Variants in ZFYVE26 observed in about 807,000 individuals in gnomAD.
ZFYVE26 encodes zinc finger FYVE-type containing 26, also known as zinc finger FYVE domain-containing protein 26.
ZFYVE26 carries 181 observed loss-of-function variants against 276.5 expected under a neutral mutation model. The observed-to-expected ratio is 0.65, with a 90% confidence interval of 0.58 to 0.74. The LOEUF is 0.74. Among genes scored for constraint, ZFYVE26 ranks in the 30% least tolerant of loss-of-function variants. The probability of loss-of-function intolerance (pLI) is 0.00; values close to 1 mark genes in which losing one functional copy is unlikely to be tolerated. For missense variants in ZFYVE26, 2,821 were observed against 3,097.9 expected (o/e 0.91, Z 2.12); for synonymous variants, 1,129 against 1,203.1 (o/e 0.94, Z 1.27).
chr14:67,751,730 G>A (rs966463518), intron 40 of ZFYVE26, among the ~76,000 whole-genome samples: 10 of 152,076 alleles, frequency 6.6e-5, no homozygotes, highest in African/African-American at 1.9e-4. Flanking sequence ...AAAATTAGCC[G>A]GGCGTGGTGG....
In ZFYVE26 at chr14:67,785,171, G is replaced by A. The variant is rs748711716; in HGVS notation, c.3411C>T (p.Asn1137=). ...TGCCTGATGGGGTCTGTTTGCCCAGGTTCTTCTGGAGGAGCTGAGTCTGGA... is the reference window on the plus strand; with the variant it reads ...TGCCTGATGGGGTCTGTTTGCCCAGATTCTTCTGGAGGAGCTGAGTCTGGA... ...VQIQTQLLQK[N]LGKQTPSGSR... Residue 1137 remains asparagine (N), a synonymous_variant, in exon 19 of 42, where the codon AAC becomes AAT. Coordinates refer to ENST00000347230, the MANE Select transcript of ZFYVE26 (RefSeq NM_015346.4). 6.2e-7 allele frequency: 1 copy of A among 1,614,194 alleles called. No homozygotes were observed. Among genetic ancestry groups the A allele is most frequent in the South Asian group, 1.1e-5 (1 of 91,090 alleles).
intron 14 of ZFYVE26, among the ~76,000 whole-genome samples, chr14:67,729,024 A>C (rs1472756387): frequency 6.6e-6 from 1 of 152,196 alleles, no homozygotes; most frequent in Non-Finnish European, 1.5e-5. Flanking sequence ...CTGAAAGATC[A>C]ATTCATTCCT....
intron 12 of ZFYVE26, chr14:67,797,425 C>G: frequency 1.8e-6 from 1 of 546,938 alleles, no homozygotes; most frequent in South Asian, 2.1e-5. Context: ...AAAAAGCAAG[C>G]TGCAGTTCTC....
chr14:67,738,055 A>G (rs2038371977), intron 13 of ZFYVE26, among the ~76,000 whole-genome samples: 1 of 152,132 alleles, frequency 6.6e-6, no homozygotes, highest in African/African-American at 2.4e-5. Flanking sequence ...ACCATTTTAA[A>G]CCATCACATT....
rs1009336498 is a variant in ZFYVE26, at chr14:67,737,511, G to A, written n.2680-7692C>T. Among the ~76,000 whole-genome samples, 3 of 152,124 alleles carry A rather than the reference G, an allele frequency of 2.0e-5. No individual in the cohort carries two copies. In the South Asian group the frequency reaches 6.2e-4, roughly 32 times the overall value. On this transcript the variant is annotated intron_variant and non_coding_transcript_variant, in intron 13 of 14. Coordinates refer to the ZFYVE26 transcript ENST00000394455. Reference sequence around the variant, plus strand: ...TCACTATCACGAGAAGACAATGGGGGAAACCACCCTCATGATTCAGTCAAC... The same window carrying A: ...TCACTATCACGAGAAGACAATGGGGAAAACCACCCTCATGATTCAGTCAAC...
chr14:67,784,253 G>C, intron 20 of ZFYVE26, 81 bp downstream of exon 20: 1 of 1,179,470 alleles, frequency 8.5e-7, no homozygotes, highest in African/African-American at 1.5e-5. Flanking sequence ...CTAACCCCAA[G>C]CACCACCGCA....
intron 28 of ZFYVE26, 58 bp from the exon 29 acceptor site, chr14:67,769,788 C>CAATCCATT: frequency 6.2e-7 from 1 of 1,610,576 alleles, no homozygotes; most frequent in African/African-American, 1.3e-5. Flanking sequence ...AGATTGCCAT[C>CAATCCATT]AATCCATTTA....
chr14:67,772,584 A>C (rs574510995), intron 27 of ZFYVE26, among the ~76,000 whole-genome samples: 33 of 152,196 alleles, frequency 2.2e-4, no homozygotes, highest in Non-Finnish European at 3.4e-4. Flanking sequence ...CTCCTCCACA[A>C]ATAAAAAAGA....
chr14:67,755,292 G>C, intron 36 of ZFYVE26, 42 bp from the exon 37 acceptor site: 1 of 1,606,366 alleles, frequency 6.2e-7, no homozygotes, highest in Non-Finnish European at 8.5e-7. Context: ...GTAGATCAGG[G>C]GTTTGGAGGG....
rs2039229572 is a variant in ZFYVE26 at position 67,772,201 on chromosome 14, C to T, written c.5330G>A (p.Ser1777Asn). 6.2e-7 allele frequency: 1 copy of T among 1,612,680 alleles called. No homozygotes were observed. The highest frequency in any genetic ancestry group is 1.1e-5 in the South Asian group (1 of 90,670). The part of the protein sequence containing the change: ...FSPAAPPGIS[S>N]IHSPSLRERS... ...TTCCCTTAGACTAGGGGAATGTATA[C>T]TGGAGATACCTGGGAGGCAGAGCCA... The change falls in exon 28 of 42, where the codon AGT (serine) becomes AAT (asparagine). Residue 1777 changes from serine to asparagine, a missense_variant. Transcript: ENST00000347230.
In ZFYVE26 at chr14:67,762,736, G is replaced by T. The variant is rs745414887; in HGVS notation, c.6095C>A (p.Pro2032Gln). ...GTTCCTTAGCCTGGTTACTGCAGCT[G>T]GCTGCAAGATCTGATCCAAAGATGG... Reference protein sequence around the residue: ...HVPSLDQILQPAAVTRLRNQL... With the variant: ...HVPSLDQILQQAAVTRLRNQL... The change falls in exon 33 of 42, where the codon CCA becomes CAA. Residue 2032 changes from proline (P) to glutamine (Q), a missense_variant. By Grantham distance (76) the Pro-to-Gln change is moderately conservative. Coordinates refer to ENST00000347230, the MANE Select transcript of ZFYVE26 (RefSeq NM_015346.4). 1.2e-6 allele frequency: 2 copies of T among 1,614,160 alleles called. No individual in the cohort carries two copies. Among genetic ancestry groups the T allele is most frequent in the South Asian group, 2.2e-5 (2 of 91,086 alleles).
rs144311183 is a variant in ZFYVE26, at chr14:67,787,013, A to G, written c.3020-780T>C. 3.7e-3 allele frequency among the ~76,000 whole-genome samples: 569 copies of G among 152,252 alleles called. 4 individuals are homozygous for G. Among genetic ancestry groups the G allele is most frequent in the African/African-American group, 0.013 (541 of 41,540 alleles). Reference sequence around the variant, plus strand: ...AAAATAACTGAATTCATGGAGATAGAGAATAGAAGGATGGTTACCAGAGGC... The same window carrying G: ...AAAATAACTGAATTCATGGAGATAGGGAATAGAAGGATGGTTACCAGAGGC... On this transcript the variant is annotated intron_variant, in intron 16 of 41. Transcript: ENST00000347230.
chr14:67,781,896 T>C (rs1253989771), intron 21 of ZFYVE26, among the ~76,000 whole-genome samples: 3 of 152,228 alleles, frequency 2.0e-5, no homozygotes, highest in African/African-American at 7.2e-5. Context: ...AGTGAAACTT[T>C]CCTTTTCCCT....
At chr14:67,745,885 A>T (rs549044558), downstream of ZFYVE26, among the ~76,000 whole-genome samples, 1 of 141,506 alleles carries the variant, frequency 7.1e-6, no homozygotes, top group South Asian at 2.5e-4. Flanking sequence ...AAAATTAGCC[A>T]GGCGACTGCA....
Position 67,802,289 on chromosome 14 carries a change from TAC to T in ZFYVE26, c.1436-9_1436-8del, listed in dbSNP as rs2040093790. 1.9e-6 allele frequency: 3 copies of T among 1,613,904 alleles called. No individual in the cohort carries two copies. Among genetic ancestry groups the T allele is most frequent in the African/African-American group, 2.7e-5 (2 of 74,916 alleles). ...ACTGGAGCATCAACTGCATCTGAAT[TAC>T]AAAGAGAAACAGGCTGAACTTGAGA... On this transcript the variant is annotated splice_polypyrimidine_tract_variant and splice_region_variant and intron_variant, in intron 9 of 41. Coordinates refer to ENST00000347230, the MANE Select transcript of ZFYVE26 (RefSeq NM_015346.4).
In ZFYVE26 at chr14:67,737,585, G is replaced by C. The variant is rs373619243; in HGVS notation, n.2680-7766C>G. On this transcript the variant is annotated intron_variant and non_coding_transcript_variant, in intron 13 of 14. Coordinates refer to the ZFYVE26 transcript ENST00000394455. ...ACATGGGGATTACAATTTGAGATGA[G>C]ATTTGGGTGGGGACACAGAACCAAA... 6.4e-4 allele frequency among the ~76,000 whole-genome samples: 98 copies of C among 152,294 alleles called. 1 individual carries two copies. Among genetic ancestry groups the C allele is most frequent in the African/African-American group, 2.1e-3 (87 of 41,564 alleles).
Position 67,766,366 on chromosome 14 carries a change from A to G in ZFYVE26, c.5872T>C (p.Cys1958Arg). 6.2e-7 allele frequency: 1 copy of G among 1,613,028 alleles called. No homozygotes were observed. The highest frequency in any genetic ancestry group is 8.5e-7 in the Non-Finnish European group (1 of 1,180,018). Residue 1958 changes from cysteine to arginine, a missense_variant, in exon 32 of 42, where the codon TGC (cysteine) becomes CGC (arginine). Transcript: ENST00000347230. ...GTGAGGCCCTTGGAGAGCCTGCAGCAGTGCTCAATCAGCTGGTGACCACAG... is the reference window on the plus strand; with the variant it reads ...GTGAGGCCCTTGGAGAGCCTGCAGCGGTGCTCAATCAGCTGGTGACCACAG... The part of the protein sequence containing the change: ...IACGHQLIEH[C>R]CRLSKGLTNP...
intron 5 of ZFYVE26, among the ~76,000 whole-genome samples, 199 bp downstream of exon 5, chr14:67,807,199 C>A (rs1468187827): frequency 6.6e-6 from 1 of 152,184 alleles, no homozygotes; most frequent in East Asian, 1.9e-4. Flanking sequence ...CTTGCCTTGG[C>A]CTCCCAAAGT....
intron 37 of ZFYVE26, 74 bp downstream of exon 37, chr14:67,754,977 T>C: frequency 6.6e-7 from 1 of 1,515,076 alleles, no homozygotes. Flanking sequence ...TGGACAAGAG[T>C]AGCTTCATCA....
Sources: allele counts gnomAD v4.1 joint callset (sites outside exome capture counted in the v4.1 genomes callset), GRCh38; gene constraint gnomAD v4.1.1; transcripts MANE v1.5; gene names NCBI Gene and HGNC (gene_info 2026-07-23, HGNC 2026-07-21).